Variants in SUCLG2 observed in about 807,000 individuals in gnomAD.
SUCLG2 encodes succinate--CoA ligase [GDP-forming] subunit beta, mitochondrial.
A neutral mutation model predicts 47.9 loss-of-function variants in SUCLG2; 42 were observed. The ratio of observed to expected loss-of-function variants is 0.88; its 90% CI spans 0.69 to 1.14. The LOEUF (loss-of-function observed/expected upper bound fraction) is 1.14. Among genes scored for constraint, SUCLG2 ranks in the 50% most tolerant of loss-of-function variants. SUCLG2 has a pLI of 0.00. For missense variants in SUCLG2, 571 were observed against 525.9 expected (o/e 1.09, Z -0.84); for synonymous variants, 195 against 197.3 (o/e 0.99, Z 0.10).
At chr3:67,623,339 A>C (rs1700767439) in intron 1 of SUCLG2, among the ~76,000 whole-genome samples, 1 of 151,964 alleles carries the variant, frequency 6.6e-6, no homozygotes, top group South Asian at 2.1e-4. Flanking sequence ...TCTCTACTAA[A>C]AATACAAAAA....
intron 2 of SUCLG2, among the ~76,000 whole-genome samples, chr3:67,547,416 G>A (rs1706895060): frequency 1.3e-5 from 2 of 152,164 alleles, no homozygotes; most frequent in South Asian, 4.1e-4. Flanking sequence ...TTAGTTTTCA[G>A]CAACATGGAC....
intron 9 of SUCLG2, among the ~76,000 whole-genome samples, chr3:67,456,937 C>G (rs926166106): frequency 6.6e-6 from 1 of 152,074 alleles, no homozygotes; most frequent in African/African-American, 2.4e-5. Context: ...TCCTTTTCTT[C>G]TTTATACCTT....
chr3:67,533,254 T>A (rs1053407522), intron 2 of SUCLG2, among the ~76,000 whole-genome samples: 1 of 152,230 alleles, frequency 6.6e-6, no homozygotes, highest in African/African-American at 2.4e-5. Context: ...ACTGAGCTGG[T>A]TTTTATTCAG....
intron 10 of SUCLG2, among the ~76,000 whole-genome samples, chr3:67,395,720 T>C (rs1451971380): frequency 6.6e-6 from 1 of 152,148 alleles, no homozygotes; most frequent in Non-Finnish European, 1.5e-5. Context: ...GAATATACAT[T>C]TTTTTCAGCA....
At chr3:67,544,379 C>T (rs1280653606) in intron 2 of SUCLG2, among the ~76,000 whole-genome samples, 1 of 152,084 alleles carries the variant, frequency 6.6e-6, no homozygotes, top group Non-Finnish European at 1.5e-5. Context: ...CCATGCTGTT[C>T]TCATGATAGT....
intron 2 of SUCLG2, among the ~76,000 whole-genome samples, chr3:67,587,233 C>T (rs1184205718): frequency 6.6e-6 from 1 of 152,184 alleles, no homozygotes; most frequent in Non-Finnish European, 1.5e-5. Flanking sequence ...GCTCTGTTTG[C>T]CTGGCATTAT....
chr3:67,373,058 A>G (rs796477185), downstream of SUCLG2, among the ~76,000 whole-genome samples: 1 of 152,162 alleles, frequency 6.6e-6, no homozygotes, highest in African/African-American at 2.4e-5. Context: ...AATATGAAAG[A>G]ACATATCCTT....
chr3:67,414,492 G>C (rs1311331073), intron 9 of SUCLG2, among the ~76,000 whole-genome samples: 1 of 152,188 alleles, frequency 6.6e-6, no homozygotes, highest in African/African-American at 2.4e-5. Context: ...AATGAGTAGA[G>C]AGGTATTAGA....
At chr3:67,514,737 C>A (rs1705895589) in intron 6 of SUCLG2, among the ~76,000 whole-genome samples, 1 of 152,124 alleles carries the variant, frequency 6.6e-6, no homozygotes, top group Non-Finnish European at 1.5e-5. Context: ...ATGGAAAGGA[C>A]AAAATTATGG....
intron 9 of SUCLG2, among the ~76,000 whole-genome samples, chr3:67,483,813 C>T (rs1358659884): frequency 2.0e-5 from 3 of 152,174 alleles, no homozygotes; most frequent in Non-Finnish European, 4.4e-5. Context: ...GAACACCCCC[C>T]TACCTACTCA....
intron 2 of SUCLG2, among the ~76,000 whole-genome samples, chr3:67,544,726 C>T (rs905851263): frequency 6.6e-6 from 1 of 152,140 alleles, no homozygotes; most frequent in Non-Finnish European, 1.5e-5. Flanking sequence ...AAAAAGGCTA[C>T]TTTGCTTTTC....
intron 9 of SUCLG2, among the ~76,000 whole-genome samples, chr3:67,431,750 AG>A (rs1703489158): frequency 8.8e-6 from 1 of 114,048 alleles, no homozygotes; most frequent in Non-Finnish European, 1.8e-5. Flanking sequence ...GGGTGGCGGG[AG>A]GGGGGAGGGA....
chr3:67,621,849 C>T (rs1700741839), intron 1 of SUCLG2, among the ~76,000 whole-genome samples: 1 of 152,170 alleles, frequency 6.6e-6, no homozygotes, highest in Non-Finnish European at 1.5e-5. Flanking sequence ...GACCTAGTTT[C>T]AGGCTGTCTC....
chr3:67,597,541 C>A (rs1708320549), intron 2 of SUCLG2, among the ~76,000 whole-genome samples: 1 of 152,200 alleles, frequency 6.6e-6, no homozygotes, highest in Non-Finnish European at 1.5e-5. Context: ...CTATCTATTT[C>A]TGTACCCCAC....
intron 2 of SUCLG2, among the ~76,000 whole-genome samples, chr3:67,601,382 T>A (rs1475021607): frequency 6.6e-6 from 1 of 152,196 alleles, no homozygotes; most frequent in East Asian, 1.9e-4. Context: ...AATGAGCATG[T>A]TCCTTTGATA....
chr3:67,413,720 A>T (rs1482173229), intron 9 of SUCLG2, among the ~76,000 whole-genome samples: 1 of 152,214 alleles, frequency 6.6e-6, no homozygotes, highest in Non-Finnish European at 1.5e-5. Flanking sequence ...ACTGAGCAGC[A>T]TCCAGTAAAG....
intron 2 of SUCLG2, among the ~76,000 whole-genome samples, chr3:67,582,930 T>A (rs1707920311): frequency 6.6e-6 from 1 of 152,174 alleles, no homozygotes. Flanking sequence ...ACTCTCAGTC[T>A]ATTCATTTTG....
chr3:67,395,538 C>G (rs143410971), intron 10 of SUCLG2, among the ~76,000 whole-genome samples: 11,009 of 152,168 alleles, frequency 0.072, 399 homozygotes, highest in Middle Eastern at 0.14. Flanking sequence ...CCTGAGGGAC[C>G]TACAAAGAGA....
At chr3:67,643,823 T>C (rs754876407) in intron 1 of SUCLG2, among the ~76,000 whole-genome samples, 6 of 152,282 alleles carry the variant, frequency 3.9e-5, no homozygotes, top group Non-Finnish European at 8.8e-5. Flanking sequence ...ATTACAGGTG[T>C]ACACCATCAT....
Sources: gnomAD v4.1 joint callset for allele counts (sites outside exome capture counted in the v4.1 genomes callset) on GRCh38, gnomAD v4.1.1 for gene constraint, MANE v1.5 for transcripts, NCBI Gene and HGNC (gene_info 2026-07-23, HGNC 2026-07-21) for gene names.